The following ZNF675 variants were observed in gnomAD, a reference collection of about 807,000 sequenced individuals.
ZNF675 encodes the protein zinc finger protein 675.
ZNF675 carries 36 observed loss-of-function variants against 56.1 expected under a neutral mutation model. The observed-to-expected ratio is 0.64, with a 90% CI of 0.49 to 0.85. The LOEUF is 0.85. Among genes scored for constraint, ZNF675 ranks in the 40% least tolerant of loss-of-function variants. The pLI is 0.00. For synonymous variants in ZNF675, 200 were observed against 218.9 expected, an observed-to-expected ratio of 0.91 and a Z score of 0.76; for missense variants, 663 against 654.2, an observed-to-expected ratio of 1.01 and a Z score of -0.15.
intron 3 of ZNF675, among the ~76,000 whole-genome samples, chr19:23,658,869 C>CTA (rs1486663222): frequency 0.048 from 485 of 10,068 alleles, 2 homozygotes; most frequent in African/African-American, 0.12. Flanking sequence ...AGAAATAGAT[C>CTA]TATAGATATC....
At chr19:23,664,875 T>C (rs185960662) in intron 1 of ZNF675, among the ~76,000 whole-genome samples, 1 of 151,996 alleles carries the variant, frequency 6.6e-6, no homozygotes, top group African/African-American at 2.4e-5. Context: ...CGTTTAAACC[T>C]GGCAGGCGAA....
intron 1 of ZNF675, among the ~76,000 whole-genome samples, chr19:23,664,177 T>A (rs1298299403): frequency 6.6e-6 from 1 of 152,142 alleles, no homozygotes; most frequent in East Asian, 1.9e-4. Context: ...CGGACACAGC[T>A]CTTGATCTGA....
chr19:23,659,520 A>T (rs1968048176), intron 3 of ZNF675, among the ~76,000 whole-genome samples: 1 of 152,168 alleles, frequency 6.6e-6, no homozygotes, highest in Non-Finnish European at 1.5e-5. Flanking sequence ...AGCCTGAATT[A>T]TGTATGTAGC....
rs1406778769 is a variant in ZNF675, at chr19:23,663,968, CG to C, written c.4-811del. On this transcript the variant is annotated intron_variant, in intron 1 of 3. Coordinates refer to ENST00000359788, the MANE Select transcript of ZNF675 (RefSeq NM_138330.3). ...TTAATATTGCAGATTATAAAATAAT[CG>C]TGAGAATTCTGCATGGCATATAAGA... is the stretch of plus-strand genomic sequence containing the variant. Among the ~76,000 whole-genome samples, 7 of 152,170 alleles carry C rather than the reference CG, an allele frequency of 4.6e-5. No individual in the cohort carries two copies. The East Asian group carries it at 1.4e-3, about 29-fold the overall frequency.
rs921802816 is a variant in ZNF675, at chr19:23,680,451, C to T, written c.3+6580G>A. On this transcript the variant is annotated intron_variant, in intron 1 of 3. Coordinates refer to ENST00000359788, the MANE Select transcript of ZNF675 (RefSeq NM_138330.3). ...TAATGCAGAAACAGAAAATCAAATG[C>T]ATGTTATTATTTATAAATAAGAACT... is the stretch of plus-strand genomic sequence containing the variant. Among the ~76,000 whole-genome samples, 5 of 151,464 alleles carry T rather than the reference C, an allele frequency of 3.3e-5. 1 individual carries two copies. The highest frequency in any genetic ancestry group is 1.2e-4 in the African/African-American group (5 of 40,906).
intron 1 of ZNF675, among the ~76,000 whole-genome samples, chr19:23,669,257 G>C (rs76777525): frequency 0.11 from 16,259 of 152,222 alleles, 1,007 homozygotes; most frequent in East Asian, 0.22. Flanking sequence ...TATCCTTTCT[G>C]GTTATAGTCC....
chr19:23,675,758 A>G (rs995411413), intron 1 of ZNF675, among the ~76,000 whole-genome samples: 1 of 151,742 alleles, frequency 6.6e-6, no homozygotes, highest in African/African-American at 2.4e-5. Context: ...AAATATCTCA[A>G]TTTAATAACC....
chr19:23,678,581 A>AAAT lies in ZNF675; in HGVS notation c.3+8447_3+8449dup, dbSNP rs1032749053. Among the ~76,000 whole-genome samples, 11 of 151,492 alleles carry AAAT rather than the reference A, an allele frequency of 7.3e-5. 2 individuals carry two copies. The highest frequency in any genetic ancestry group is 2.2e-4 in the African/African-American group (9 of 41,358). ...AATATTCTTAACTTAAAAAAAAAAA[A>AAAT]AATTAAATACATATGGAACCAAAAA... is the stretch of plus-strand genomic sequence containing the variant. On this transcript the variant is annotated intron_variant, in intron 1 of 3. Coordinates refer to ENST00000359788, the MANE Select transcript of ZNF675 (RefSeq NM_138330.3).
chr19:23,654,014 T>C lies in ZNF675; in HGVS notation c.919A>G (p.Thr307Ala), dbSNP rs1232071343. 2 of 1,613,880 alleles carry C rather than the reference T, an allele frequency of 1.2e-6. No individual in the cohort carries two copies. The highest frequency in any genetic ancestry group is 8.5e-7 in the Non-Finnish European group (1 of 1,179,990). Reference protein sequence around the residue: ...SNLTTHKKIHTGEQPYICEEC... With the variant: ...SNLTTHKKIHAGEQPYICEEC... ...TCACATATGTAGGGTTGCTCTCCAG[T>C]ATGAATTTTTTTATGTGTAGTAAGA... The change falls in exon 4 of 4, where the codon ACT becomes GCT. Residue 307 changes from threonine to alanine, a missense_variant. Coordinates refer to ENST00000359788, the MANE Select transcript of ZNF675 (RefSeq NM_138330.3).
intron 1 of ZNF675, among the ~76,000 whole-genome samples, chr19:23,680,521 G>A (rs1050037722): frequency 6.6e-6 from 1 of 151,576 alleles, no homozygotes; most frequent in Non-Finnish European, 1.5e-5. Context: ...CACTTTGGGA[G>A]GCTGAGGTGG....
At chr19:23,665,259 C>A (rs78724591) in intron 1 of ZNF675, among the ~76,000 whole-genome samples, 14,261 of 149,950 alleles carry the variant, frequency 0.095, 739 homozygotes, top group East Asian at 0.22. Context: ...GCAGGAGAAT[C>A]GCTTAAACCC....
At chr19:23,684,790 C>T (rs1344950962) in intron 1 of ZNF675, among the ~76,000 whole-genome samples, 1 of 152,170 alleles carries the variant, frequency 6.6e-6, no homozygotes, top group African/African-American at 2.4e-5. Flanking sequence ...GCCCCAAGTG[C>T]ATTTTACTTT....
At chr19:23,685,119 CA>C (rs1181929835) in intron 1 of ZNF675, among the ~76,000 whole-genome samples, 20 of 152,132 alleles carry the variant, frequency 1.3e-4, no homozygotes, top group Non-Finnish European at 2.5e-4. Context: ...CAGCCACCAC[CA>C]CGCCCAGCTA....
intron 3 of ZNF675, among the ~76,000 whole-genome samples, chr19:23,658,880 TATAGATATAGATCTATAGATATCTATAG>T (rs1456523991): frequency 4.6e-5 from 4 of 87,520 alleles, no homozygotes; most frequent in African/African-American, 7.6e-5. Flanking sequence ...TATAGATATC[TATAGATATAGATCTATAGATATCTATAG>T]ATAGATATAG....
chr19:23,679,145 C>G (rs1490652815), intron 1 of ZNF675, among the ~76,000 whole-genome samples: 8 of 115,536 alleles, frequency 6.9e-5, no homozygotes, highest in Non-Finnish European at 1.3e-4. Context: ...CCAGCCTGGG[C>G]GACAGAGCGA....
chr19:23,686,916 CG>C, intron 1 of ZNF675, 114 bp downstream of exon 1: 1 of 1,303,376 alleles, frequency 7.7e-7, no homozygotes, highest in African/African-American at 1.4e-5. Context: ...AAGGAGAACT[CG>C]GGGTGCAGAT....
At chr19:23,659,973 G>C (rs540295103) in intron 3 of ZNF675, among the ~76,000 whole-genome samples, 2 of 151,406 alleles carry the variant, frequency 1.3e-5, no homozygotes, top group African/African-American at 4.8e-5. Context: ...GATCCTTTCT[G>C]GTACTCGCTG....
intron 2 of ZNF675, among the ~76,000 whole-genome samples, chr19:23,662,801 G>A (rs1968096958): frequency 6.6e-6 from 1 of 151,770 alleles, no homozygotes; most frequent in South Asian, 2.1e-4. Context: ...ACAACATGGT[G>A]AAACCCTGTC....
chr19:23,681,313 T>C (rs963071294), intron 1 of ZNF675, among the ~76,000 whole-genome samples: 7 of 151,620 alleles, frequency 4.6e-5, no homozygotes, highest in Non-Finnish European at 1.0e-4. Context: ...GGGAGGGGTG[T>C]GGGCACGTCA....
Sources: allele counts gnomAD v4.1 joint callset (sites outside exome capture counted in the v4.1 genomes callset), GRCh38; gene constraint gnomAD v4.1.1; transcripts MANE v1.5; gene names NCBI Gene and HGNC (gene_info 2026-07-23, HGNC 2026-07-21).